PCGF6: variants seen among roughly 807,000 people sequenced by gnomAD.
The protein encoded by PCGF6 is polycomb group RING finger protein 6.
In PCGF6, 24 loss-of-function variants were observed where a neutral mutation model predicts 45.5. The ratio of observed to expected loss-of-function variants is 0.53; its 90% confidence interval spans 0.38 to 0.74. The LOEUF is 0.74. Among genes scored for constraint, PCGF6 ranks in the 30% least tolerant of loss-of-function variants. The pLI, the probability that PCGF6 is intolerant of heterozygous loss-of-function variation, is 0.00. For synonymous variants in PCGF6, 152 were observed against 162.1 expected (o/e 0.94, Z 0.47); for missense variants, 356 against 443.2 (o/e 0.80, Z 1.77).
At chr10:103,332,822 T>C (rs1031235409) in intron 7 of PCGF6, among the ~76,000 whole-genome samples, 4 of 152,090 alleles carry the variant, frequency 2.6e-5, no homozygotes, top group Non-Finnish European at 4.4e-5. Flanking sequence ...TCAAAAATCA[T>C]GGGGATTTAT....
chr10:103,315,691 G>A (rs1298784104), intron 8 of PCGF6, among the ~76,000 whole-genome samples: 1 of 151,954 alleles, frequency 6.6e-6, no homozygotes, highest in Non-Finnish European at 1.5e-5. Context: ...AATTTTTGTA[G>A]AGACAGGGTC....
chr10:103,331,792 ATC>A (rs955238740), intron 7 of PCGF6, among the ~76,000 whole-genome samples: 9 of 151,152 alleles, frequency 6.0e-5, no homozygotes, highest in African/African-American at 2.2e-4. Flanking sequence ...CATTTAATAC[ATC>A]TCTCTCTCTC....
chr10:103,347,543 T>C (rs2093304033), intron 3 of PCGF6, 93 bp from the exon 4 acceptor site: 4 of 1,025,716 alleles, frequency 3.9e-6, no homozygotes, highest in African/African-American at 1.6e-5. Flanking sequence ...TGAGAGTGGG[T>C]ATCTTTTTTC....
intron 9 of PCGF6, among the ~76,000 whole-genome samples, chr10:103,308,681 G>A (rs2093146034): frequency 6.6e-6 from 1 of 152,018 alleles, no homozygotes; most frequent in African/African-American, 2.4e-5. Flanking sequence ...AGACCAGCCG[G>A]GGCAACATGG....
chr10:103,329,595 A>G (rs2093232308), intron 7 of PCGF6, among the ~76,000 whole-genome samples: 1 of 151,238 alleles, frequency 6.6e-6, no homozygotes, highest in East Asian at 2.0e-4. Flanking sequence ...CTCCTGCCTC[A>G]GCCACCCAAG....
chr10:103,339,810 AACACACACACACACACACACACACACAC>A (rs201660003), intron 6 of PCGF6, among the ~76,000 whole-genome samples: 423 of 32,234 alleles, frequency 0.013, 9 homozygotes, highest in Non-Finnish European at 0.02. Flanking sequence ...TCAAAAAAAA[AACACACACACACACACACACACACACAC>A]ACACACACAC....
intron 8 of PCGF6, among the ~76,000 whole-genome samples, chr10:103,323,072 T>C (rs2093203695): frequency 6.6e-6 from 1 of 152,112 alleles, no homozygotes; most frequent in South Asian, 2.1e-4. Flanking sequence ...GGATCACTCA[T>C]AATTCTTAAT....
rs1200962439 is a variant in PCGF6 at position 103,339,838 on chromosome 10, C to T, written c.782+5186G>A. Among the ~76,000 whole-genome samples the T allele has an allele frequency of 5.8e-5, 8 of 138,394 alleles. No individual in the cohort carries two copies. In the Admixed American group the frequency reaches 6.0e-4, roughly 10 times the overall value. The allele number at this position is 138,394 out of a possible 152,430, so 90.8% of individuals were successfully genotyped here. A position where few individuals can be genotyped will look rare whatever the true frequency, so the allele number is the denominator to read the frequency against. On this transcript the variant is annotated intron_variant, in intron 6 of 9. Coordinates refer to ENST00000369847, the MANE Select transcript of PCGF6 (RefSeq NM_001011663.2). ...ACACACACACACACACACACACACACACACACACACACACACACACACACA... is the reference window on the plus strand; with the variant it reads ...ACACACACACACACACACACACACATACACACACACACACACACACACACA...
chr10:103,337,872 G>A lies in PCGF6; in HGVS notation c.783-3920C>T, dbSNP rs1422034650. On this transcript the variant is annotated intron_variant, in intron 6 of 9. Transcript: ENST00000369847. ...GAGGTCAGGAGATCGAGACCATCCC[G>A]GCTAAAACGGCGAAACCCCGTCTCT... 1.9e-5 allele frequency among the ~76,000 whole-genome samples: 2 copies of A among 107,228 alleles called. 1 individual carries two copies. The highest frequency in any genetic ancestry group is 6.8e-5 in the African/African-American group (2 of 29,426). 70.3% of individuals were successfully genotyped at this position (107,228 alleles called of 152,430 possible). A position where few individuals can be genotyped will look rare whatever the true frequency, so the allele number is the denominator to read the frequency against.
Position 103,325,852 on chromosome 10 carries a change from TAAAAAA to T in PCGF6, c.909+676_909+681del, listed in dbSNP as rs34739627. Reference sequence around the variant, plus strand: ...TGGACAAAAGCAAGACCGCATCTCTTAAAAAAAAAAAAAAAAAAAAATTAGCTGGGC... The same window carrying T: ...TGGACAAAAGCAAGACCGCATCTCTTAAAAAAAAAAAAAAATTAGCTGGGC... On this transcript the variant is annotated intron_variant, in intron 8 of 9. Transcript: ENST00000369847. 1.3e-3 allele frequency among the ~76,000 whole-genome samples: 181 copies of T among 135,224 alleles called. 1 individual carries two copies. Among genetic ancestry groups the T allele is most frequent in the Non-Finnish European group, 2.0e-3 (128 of 63,808 alleles). 88.7% of individuals were successfully genotyped at this position (135,224 alleles called of 152,430 possible).
Position 103,350,806 on chromosome 10 carries a change from T to C in PCGF6, c.261A>G (p.Glu87=), listed in dbSNP as rs542761311. The part of the protein sequence containing the change: ...FEDEDEELEE[E]EELEEEEEEE... ...CCTCTTCTTCCTCCTCCAGCTCCTCTTCTTCTTCCAACTCCTCGTCCTCGT... is the reference window on the plus strand; with the variant it reads ...CCTCTTCTTCCTCCTCCAGCTCCTCCTCTTCTTCCAACTCCTCGTCCTCGT... The change falls in exon 1 of 10, where the codon GAA becomes GAG. Residue 87 remains glutamate, a synonymous_variant. Coordinates refer to ENST00000369847, the MANE Select transcript of PCGF6 (RefSeq NM_001011663.2). 9 of 1,553,816 alleles carry C rather than the reference T, an allele frequency of 5.8e-6. No individual in the cohort carries two copies. Among genetic ancestry groups the C allele is most frequent in the East Asian group, 2.4e-5 (1 of 41,610 alleles).
At chr10:103,335,652 T>C (rs971232981) in intron 6 of PCGF6, among the ~76,000 whole-genome samples, 2 of 150,564 alleles carry the variant, frequency 1.3e-5, no homozygotes, top group Admixed American at 6.6e-5. Context: ...TGAGCCACGG[T>C]GCCCAGCAAA....
At position 103,337,929 on chromosome 10, in the gene PCGF6, T is replaced by C. The variant is rs1429557731; in HGVS notation, c.783-3977A>G. ...AATACAAAAAATTAGCCGGGCGTAG[T>C]GGTGGGCGCCTGTAGTCCCAGCTAC... On this transcript the variant is annotated intron_variant, in intron 6 of 9. Coordinates refer to ENST00000369847, the MANE Select transcript of PCGF6 (RefSeq NM_001011663.2). Among the ~76,000 whole-genome samples, 8 of 108,580 alleles carry C rather than the reference T, an allele frequency of 7.4e-5. 2 individuals are homozygous for C. Among genetic ancestry groups the C allele is most frequent in the Admixed American group, 9.6e-5 (1 of 10,462 alleles). 71.2% of individuals were successfully genotyped at this position (108,580 alleles called of 152,430 possible). A position where few individuals can be genotyped will look rare whatever the true frequency, so the allele number is the denominator to read the frequency against.
chr10:103,342,546 T>C (rs958715628), intron 6 of PCGF6, among the ~76,000 whole-genome samples: 5 of 152,080 alleles, frequency 3.3e-5, no homozygotes, highest in African/African-American at 1.2e-4. Context: ...GATTTTCTTA[T>C]ATGGCCTTTC....
At chr10:103,312,179 G>C (rs960551844) in intron 9 of PCGF6, among the ~76,000 whole-genome samples, 1 of 151,466 alleles carries the variant, frequency 6.6e-6, no homozygotes, top group African/African-American at 2.4e-5. Context: ...AGATCAGGAG[G>C]TCAGGAGATC....
chr10:103,347,367 T>C, intron 4 of PCGF6, 28 bp downstream of exon 4: 2 of 1,590,072 alleles, frequency 1.3e-6, no homozygotes, highest in Non-Finnish European at 8.6e-7. Context: ...ATTCTGGGAT[T>C]CACAACCATG....
intron 3 of PCGF6, among the ~76,000 whole-genome samples, chr10:103,347,755 C>G (rs2093304857): frequency 6.6e-6 from 1 of 152,138 alleles, no homozygotes; most frequent in Non-Finnish European, 1.5e-5. Flanking sequence ...GTGGCTCAAT[C>G]ATGGCTCACT....
chr10:103,335,975 A>C (rs908925741), intron 6 of PCGF6, among the ~76,000 whole-genome samples: 15 of 151,248 alleles, frequency 9.9e-5, no homozygotes, highest in Non-Finnish European at 1.6e-4. Context: ...CAAAAAAATA[A>C]AGGAAAAGAG....
At chr10:103,330,381 A>G (rs947096897) in intron 7 of PCGF6, among the ~76,000 whole-genome samples, 1 of 152,062 alleles carries the variant, frequency 6.6e-6, no homozygotes, top group African/African-American at 2.4e-5. Context: ...GGACAAGCAT[A>G]TATTGTTTCA....
Sources: gnomAD v4.1 joint callset for allele counts (sites outside exome capture counted in the v4.1 genomes callset) on GRCh38, gnomAD v4.1.1 for gene constraint, MANE v1.5 for transcripts, NCBI Gene and HGNC (gene_info 2026-07-23, HGNC 2026-07-21) for gene names.